ZC3H7B: variants seen among roughly 807,000 people sequenced by gnomAD.
ZC3H7B encodes zinc finger CCCH domain-containing protein 7B.
ZC3H7B carries 35 observed loss-of-function variants against 116.0 expected under a neutral mutation model. The ratio of observed to expected loss-of-function variants is 0.30; its 90% CI spans 0.23 to 0.40. The LOEUF (loss-of-function observed/expected upper bound fraction) is 0.40. Among genes scored for constraint, ZC3H7B ranks in the 10% least tolerant of loss-of-function variants. The probability of loss-of-function intolerance (pLI) is 1.00; values close to 1 mark genes in which losing one functional copy is unlikely to be tolerated. For synonymous variants in ZC3H7B, 502 were observed against 545.6 expected, an observed-to-expected ratio of 0.92 and a Z score of 1.11; for missense variants, 1,011 against 1,321.5, an observed-to-expected ratio of 0.77 and a Z score of 3.64.
chr22:41,343,878 G>A (rs1039877243), intron 13 of ZC3H7B, among the ~76,000 whole-genome samples: 2 of 152,126 alleles, frequency 1.3e-5, no homozygotes, highest in African/African-American at 2.4e-5. Flanking sequence ...ACTCATAGGG[G>A]GCTGGCTTCT....
Position 41,346,774 on chromosome 22 carries a change from C to T in ZC3H7B, c.1665+566C>T, listed in dbSNP as rs1402680887. Reference sequence around the variant, plus strand: ...AAGGTTGCAGTGAGCCGAGATCGCGCAACTGCACTAGAGACTCCATCTCAA... The same window carrying T: ...AAGGTTGCAGTGAGCCGAGATCGCGTAACTGCACTAGAGACTCCATCTCAA... On this transcript the variant is annotated intron_variant, in intron 14 of 22. Coordinates refer to ENST00000352645, the MANE Select transcript of ZC3H7B (RefSeq NM_017590.6). The surrounding 1 kb of genome is among the most constrained non-coding windows in gnomAD (Gnocchi z 5.3). 6.6e-6 allele frequency among the ~76,000 whole-genome samples: 1 copy of T among 152,034 alleles called. No homozygotes were observed.
At chr22:41,332,062 G>A (rs2036390345) in intron 6 of ZC3H7B, 109 bp from the exon 7 acceptor site, 3 of 1,198,472 alleles carry the variant, frequency 2.5e-6, no homozygotes, top group Non-Finnish European at 2.4e-6. Context: ...CGGGGGCGCT[G>A]CAGACCCCAG....
At chr22:41,312,963 C>A (rs1456194481) in intron 1 of ZC3H7B, among the ~76,000 whole-genome samples, 1 of 151,920 alleles carries the variant, frequency 6.6e-6, no homozygotes, top group Non-Finnish European at 1.5e-5. Flanking sequence ...AGATTAAATT[C>A]TTGGAAGTGA....
chr22:41,329,992 G>T, intron 5 of ZC3H7B, 31 bp from the exon 6 acceptor site: 1 of 1,611,868 alleles, frequency 6.2e-7, no homozygotes, highest in Non-Finnish European at 8.5e-7. Context: ...CGGGCAGACT[G>T]ACCCACCGCC....
At chr22:41,311,908 G>T (rs1005652802) in intron 1 of ZC3H7B, among the ~76,000 whole-genome samples, 2 of 151,988 alleles carry the variant, frequency 1.3e-5, no homozygotes, top group Non-Finnish European at 2.9e-5. Context: ...AGATTCAATA[G>T]CTGCATTGTA....
chr22:41,339,582 C>G (rs2036491424), intron 9 of ZC3H7B, among the ~76,000 whole-genome samples: 1 of 151,266 alleles, frequency 6.6e-6, no homozygotes. Context: ...GCCGAGATCA[C>G]ACCACTGCAC....
Position 41,357,525 on chromosome 22 carries a change from G to T in ZC3H7B, c.*96G>T, listed in dbSNP as rs1399345148. The stretch of plus-strand genomic sequence containing the variant: ...GGTCAGGGCAGGCCAGGGGGGTGGG[G>T]GGCCGCCCTCATCAGGCAGCCCCCA... On this transcript the variant is annotated 3_prime_UTR_variant, in exon 23 of 23. Transcript: ENST00000352645. The surrounding 1 kb of genome is among the most constrained non-coding windows in gnomAD (Gnocchi z 5.4). 5 of 881,108 alleles carry T rather than the reference G, an allele frequency of 5.7e-6. No homozygotes were observed. The East Asian group carries it at 1.4e-4, about 25-fold the overall frequency. 54.6% of individuals were successfully genotyped at this position (881,108 alleles called of 1,614,324 possible). A position where few individuals can be genotyped will look rare whatever the true frequency, so the allele number is the denominator to read the frequency against.
intron 2 of ZC3H7B, among the ~76,000 whole-genome samples, chr22:41,324,259 G>A (rs1350035854): frequency 1.3e-5 from 2 of 152,154 alleles, no homozygotes; most frequent in Non-Finnish European, 2.9e-5. Context: ...GGGGAGGCAA[G>A]TGAGAGGTGG....
Position 41,349,136 on chromosome 22 carries a change from G to A in ZC3H7B, c.1783G>A (p.Val595Ile), listed in dbSNP as rs1427262961. ...FYNNKCLVHI[V>I]RSTSLKYSKI... ...GCCCGCCAGGTGCCTGGTGCACATC[G>A]TCCGCTCCACCTCCCTCAAGTACTC... Residue 595 changes from valine to isoleucine, a missense_variant, in exon 16 of 23, where the codon GTC (valine) becomes ATC (isoleucine). By Grantham distance (29) the Val-to-Ile change is conservative (BLOSUM62 3). Coordinates refer to ENST00000352645, the MANE Select transcript of ZC3H7B (RefSeq NM_017590.6). The surrounding 1 kb of genome is among the most constrained non-coding windows in gnomAD (Gnocchi z 4.9). 2.4e-5 allele frequency: 39 copies of A among 1,613,556 alleles called. 1 individual carries two copies. Among genetic ancestry groups the A allele is most frequent in the East Asian group, 4.5e-5 (2 of 44,900 alleles).
chr22:41,306,737 A>G (rs938768988), intron 1 of ZC3H7B, among the ~76,000 whole-genome samples: 1 of 152,164 alleles, frequency 6.6e-6, no homozygotes, highest in African/African-American at 2.4e-5. Flanking sequence ...AGGTGAAGAA[A>G]CTGTGGCATA....
At chr22:41,306,473 A>C (rs1157390715) in intron 1 of ZC3H7B, among the ~76,000 whole-genome samples, 1 of 150,616 alleles carries the variant, frequency 6.6e-6, no homozygotes, top group African/African-American at 2.4e-5. Context: ...TCCCGGGTTC[A>C]AGTGATCCTC....
chr22:41,355,386 C>A lies in ZC3H7B; in HGVS notation c.2035-83C>A. ...CAGACCAGCTTATTCCAAGGCTCTC[C>A]CAGAGGACACCTGTGTGGAGACTCC... On this transcript the variant is annotated intron_variant, in intron 17 of 22. Transcript: ENST00000352645. 5 of 1,559,240 alleles carry A rather than the reference C, an allele frequency of 3.2e-6. No individual in the cohort carries two copies. The South Asian group carries it at 6.0e-5, about 19-fold the overall frequency.
At chr22:41,319,990 C>T (rs2145908760) in intron 1 of ZC3H7B, among the ~76,000 whole-genome samples, 1 of 149,216 alleles carries the variant, frequency 6.7e-6, no homozygotes, top group African/African-American at 2.5e-5. Context: ...GAGATTGCAT[C>T]ACTGCACTCC....
chr22:41,329,918 TG>T, intron 5 of ZC3H7B, 104 bp from the exon 6 acceptor site: 1 of 1,149,906 alleles, frequency 8.7e-7, no homozygotes, highest in Non-Finnish European at 1.2e-6. Flanking sequence ...ATCTATAACA[TG>T]GGGTGACTAT....
intron 2 of ZC3H7B, among the ~76,000 whole-genome samples, chr22:41,325,132 T>C (rs1186417481): frequency 1.3e-5 from 2 of 152,202 alleles, no homozygotes; most frequent in African/African-American, 4.8e-5. Flanking sequence ...GGGCTGGTTT[T>C]TTCAGCAGAG....
At position 41,323,273 on chromosome 22, in the gene ZC3H7B, G is replaced by A. The variant is rs139768972; in HGVS notation, c.54-2291G>A. On this transcript the variant is annotated intron_variant, in intron 2 of 22. Transcript: ENST00000352645. ...TGCTAGCTCATCTCTCTTCATGGGC[G>A]GCAGGTCCTCTCCCATTTTGGGGAG... is the stretch of plus-strand genomic sequence containing the variant. 2.2e-3 allele frequency among the ~76,000 whole-genome samples: 333 copies of A among 152,296 alleles called. 2 individuals carry two copies. Among genetic ancestry groups the A allele is most frequent in the Middle Eastern group, 0.01 (3 of 294 alleles).
At position 41,351,464 on chromosome 22, in the gene ZC3H7B, G is replaced by T. The variant is rs1400196347; in HGVS notation, c.1949-97G>T. On this transcript the variant is annotated intron_variant, in intron 16 of 22. Transcript: ENST00000352645. This position sits in a 1 kb window ranked among gnomAD's most constrained non-coding sequence, Gnocchi z 5.1. ...CTGGGCTGAGAATAGGGCTCCTCCA[G>T]CTGGGCCTCGGGGGTCCCTGGCACC... is the stretch of plus-strand genomic sequence containing the variant. 2 of 1,078,898 alleles carry T rather than the reference G, an allele frequency of 1.9e-6. No homozygotes were observed. The highest frequency in any genetic ancestry group is 2.7e-6 in the Non-Finnish European group (2 of 745,362). 66.8% of individuals were successfully genotyped at this position (1,078,898 alleles called of 1,614,324 possible).
intron 13 of ZC3H7B, 93 bp downstream of exon 13, chr22:41,343,669 C>G: frequency 7.0e-7 from 1 of 1,424,682 alleles, no homozygotes; most frequent in South Asian, 1.6e-5. Context: ...GTAGACAGAA[C>G]AGGGGTGGGC....
intron 7 of ZC3H7B, among the ~76,000 whole-genome samples, chr22:41,337,478 T>C (rs1601783239): frequency 6.6e-6 from 1 of 152,182 alleles, no homozygotes. Context: ...TTTGCCCAGG[T>C]TGTACAGCCT....
Sources: gnomAD v4.1 joint callset for allele counts (sites outside exome capture counted in the v4.1 genomes callset) on GRCh38, gnomAD v4.1.1 for gene constraint, Gnocchi (gnomAD v3.1) non-coding constraint, MANE v1.5 for transcripts, NCBI Gene and HGNC (gene_info 2026-07-23, HGNC 2026-07-21) for gene names.